The following NRXN3 variants were observed in gnomAD, a reference collection of about 807,000 sequenced individuals.
The protein encoded by NRXN3 is neurexin III.
A neutral mutation model predicts 137.6 loss-of-function variants in NRXN3; 32 were observed. That is an observed-to-expected ratio of 0.23 (90% CI 0.18 to 0.31). The LOEUF is 0.31. Ranked by LOEUF, NRXN3 falls within the 10% of genes least tolerant of loss-of-function variation. The pLI is 1.00. For missense variants in NRXN3, 1,574 were observed against 2,062.5 expected, an observed-to-expected ratio of 0.76 and a Z score of 4.59; for synonymous variants, 798 against 784.5, an observed-to-expected ratio of 1.02 and a Z score of -0.29.
intron 16 of NRXN3, among the ~76,000 whole-genome samples, chr14:79,633,109 G>A (rs1194116007): frequency 6.6e-6 from 1 of 152,110 alleles, no homozygotes; most frequent in Non-Finnish European, 1.5e-5. Flanking sequence ...GTGATCTGTA[G>A]TCCATTCTGT....
At chr14:79,503,515 T>C (rs897456254) in intron 16 of NRXN3, among the ~76,000 whole-genome samples, 2 of 152,164 alleles carry the variant, frequency 1.3e-5, no homozygotes, top group Non-Finnish European at 2.9e-5. Context: ...GCCTTTTTTT[T>C]CTGCTTTACC....
chr14:78,285,840 C>A (rs1197944955), intron 3 of NRXN3, among the ~76,000 whole-genome samples: 1 of 152,192 alleles, frequency 6.6e-6, no homozygotes, highest in Non-Finnish European at 1.5e-5. Context: ...GGGAAATCTA[C>A]CTCCATTGCG....
intron 4 of NRXN3, among the ~76,000 whole-genome samples, chr14:78,338,222 T>C (rs2081707759): frequency 6.6e-6 from 1 of 152,152 alleles, no homozygotes; most frequent in Non-Finnish European, 1.5e-5. Flanking sequence ...TCTGACATGG[T>C]AGCCATTAGC....
intron 15 of NRXN3, among the ~76,000 whole-genome samples, chr14:79,139,447 T>G (rs2058582451): frequency 6.6e-6 from 1 of 152,122 alleles, no homozygotes; most frequent in Non-Finnish European, 1.5e-5. Context: ...CATATGAGAT[T>G]TATGGGTTTC....
intron 4 of NRXN3, among the ~76,000 whole-genome samples, chr14:78,331,113 C>A (rs1009734665): frequency 6.6e-6 from 1 of 152,014 alleles, no homozygotes; most frequent in Non-Finnish European, 1.5e-5. Flanking sequence ...CAAATAATAA[C>A]CACAAGGATT....
intron 4 of NRXN3, among the ~76,000 whole-genome samples, chr14:78,571,543 GTCT>G (rs1343147386): frequency 1.1e-4 from 16 of 152,236 alleles, no homozygotes; most frequent in African/African-American, 3.9e-4. Flanking sequence ...CTTGGCTATG[GTCT>G]TCTCCATTTC....
chr14:78,803,974 G>A, intron 9 of NRXN3, 151 bp downstream of exon 9: 1 of 746,658 alleles, frequency 1.3e-6, no homozygotes, highest in Non-Finnish European at 2.3e-6. Context: ...CCCAACAGCA[G>A]CGATCACCTT....
intron 19 of NRXN3, among the ~76,000 whole-genome samples, chr14:79,739,734 A>C (rs2154078532): frequency 6.7e-6 from 1 of 149,790 alleles, no homozygotes; most frequent in East Asian, 2.0e-4. Context: ...TACTGTGCTG[A>C]CCATATGCTG....
At chr14:79,292,841 A>C (rs1160035204) in intron 15 of NRXN3, among the ~76,000 whole-genome samples, 4 of 152,228 alleles carry the variant, frequency 2.6e-5, no homozygotes, top group African/African-American at 7.2e-5. Flanking sequence ...GAATGTAAAG[A>C]TCAGACATGA....
chr14:78,626,240 T>A (rs1025447282), intron 4 of NRXN3, among the ~76,000 whole-genome samples: 17 of 152,300 alleles, frequency 1.1e-4, no homozygotes, highest in Middle Eastern at 3.4e-3. Context: ...GAGCTTTAAC[T>A]ACAGTGCGCA....
At chr14:78,809,002 A>C (rs1304451567) in intron 9 of NRXN3, among the ~76,000 whole-genome samples, 1 of 152,130 alleles carries the variant, frequency 6.6e-6, no homozygotes, top group Non-Finnish European at 1.5e-5. Flanking sequence ...AACGGTAAAC[A>C]AATCCTTATT....
chr14:78,855,162 CA>C (rs199939050), intron 10 of NRXN3, among the ~76,000 whole-genome samples: 10,387 of 125,178 alleles, frequency 0.083, 450 homozygotes, highest in East Asian at 0.26. Flanking sequence ...GACTGCATCT[CA>C]AAAAAAAAAA....
At chr14:79,709,335 A>G (rs2098794125) in intron 19 of NRXN3, among the ~76,000 whole-genome samples, 1 of 152,152 alleles carries the variant, frequency 6.6e-6, no homozygotes, top group African/African-American at 2.4e-5. Context: ...TGTTAACCCA[A>G]AGTATTAATG....
At chr14:78,687,881 G>A (rs929757166) in intron 6 of NRXN3, among the ~76,000 whole-genome samples, 2 of 152,182 alleles carry the variant, frequency 1.3e-5, no homozygotes, top group Non-Finnish European at 2.9e-5. Context: ...CTTGTGCCAG[G>A]AGACAAAGGA....
At chr14:79,841,320 A>G (rs2099355354) in intron 20 of NRXN3, among the ~76,000 whole-genome samples, 1 of 152,156 alleles carries the variant, frequency 6.6e-6, no homozygotes, top group Non-Finnish European at 1.5e-5. Flanking sequence ...TTTTATTGTA[A>G]GAGAACTTAC....
chr14:78,493,321 A>G (rs1233633387), intron 4 of NRXN3, among the ~76,000 whole-genome samples: 1 of 151,592 alleles, frequency 6.6e-6, no homozygotes, highest in East Asian at 1.9e-4. Context: ...CAGGAGTTCA[A>G]GACCAGCCTG....
intron 15 of NRXN3, among the ~76,000 whole-genome samples, chr14:79,438,806 A>G (rs2095883710): frequency 6.6e-6 from 1 of 152,232 alleles, no homozygotes; most frequent in Admixed American, 6.5e-5. Context: ...TGTAGATGGA[A>G]TCAAAATGTA....
chr14:78,605,795 C>G (rs1289953151), intron 4 of NRXN3, among the ~76,000 whole-genome samples: 2 of 152,136 alleles, frequency 1.3e-5, no homozygotes, highest in Non-Finnish European at 2.9e-5. Flanking sequence ...AAAAAAGCTT[C>G]AGTTTTCATT....
At chr14:78,778,718 CTTTCTT>C (rs1330930576) in intron 8 of NRXN3, among the ~76,000 whole-genome samples, 1 of 139,702 alleles carries the variant, frequency 7.2e-6, no homozygotes, top group Non-Finnish European at 1.6e-5. Flanking sequence ...TTCTTTCTTT[CTTTCTT>C]TCTTTCTCTC....
Sources: gnomAD v4.1 joint callset for allele counts (sites outside exome capture counted in the v4.1 genomes callset) on GRCh38, gnomAD v4.1.1 for gene constraint, MANE v1.5 for transcripts, NCBI Gene and HGNC (gene_info 2026-07-23, HGNC 2026-07-21) for gene names.